The following GLI2 variants were observed in gnomAD, a reference collection of about 807,000 sequenced individuals.
The protein encoded by GLI2 is GLI family zinc finger 2.
In GLI2, 22 loss-of-function variants were observed where a neutral mutation model predicts 78.9. That is an observed-to-expected ratio of 0.28 (90% CI 0.20 to 0.40). The LOEUF is 0.40. GLI2 is among the 10% of genes least tolerant of loss of function. The pLI is 1.00. For missense variants in GLI2, 2,097 were observed against 2,213.2 expected (o/e 0.95, Z 1.05); for synonymous variants, 974 against 963.7 (o/e 1.01, Z -0.20).
chr2:120,947,067 TG>T (rs1680744147), intron 3 of GLI2, among the ~76,000 whole-genome samples: 1 of 151,966 alleles, frequency 6.6e-6, no homozygotes, highest in African/African-American at 2.4e-5. Context: ...CTGGTAGGGG[TG>T]GGGTGGGGAC....
chr2:120,796,841 G>A (rs1164220056), intron 1 of GLI2, among the ~76,000 whole-genome samples: 1 of 152,244 alleles, frequency 6.6e-6, no homozygotes, highest in Non-Finnish European at 1.5e-5. Flanking sequence ...GAAGGAGTGA[G>A]CGAACATGCA....
At chr2:120,776,347 A>C (rs1683676969) in intron 1 of GLI2, among the ~76,000 whole-genome samples, 1 of 152,134 alleles carries the variant, frequency 6.6e-6, no homozygotes, top group Admixed American at 6.5e-5. Flanking sequence ...TCAGCTTCCA[A>C]AGGGAGGCCC....
chr2:120,857,156 G>A (rs1687682822), intron 2 of GLI2, among the ~76,000 whole-genome samples: 1 of 152,116 alleles, frequency 6.6e-6, no homozygotes. Flanking sequence ...CCACTCTGTG[G>A]GCAGCTGCAC....
At chr2:120,801,091 G>T (rs1684688870) in intron 2 of GLI2, among the ~76,000 whole-genome samples, 1 of 152,130 alleles carries the variant, frequency 6.6e-6, no homozygotes, top group Non-Finnish European at 1.5e-5. Context: ...GGCTTGAGTT[G>T]GTTGAAACAG....
At chr2:120,825,798 C>A (rs1686027806) in intron 2 of GLI2, among the ~76,000 whole-genome samples, 1 of 152,208 alleles carries the variant, frequency 6.6e-6, no homozygotes, top group South Asian at 2.1e-4. Flanking sequence ...TGTCTTCTGA[C>A]AAGTCTTACC....
intron 2 of GLI2, among the ~76,000 whole-genome samples, chr2:120,894,615 G>T (rs529681262): frequency 5.8e-4 from 88 of 152,144 alleles, no homozygotes; most frequent in Admixed American, 2.0e-3. Context: ...CCCTTGGGGG[G>T]GGGTACCAGT....
intron 2 of GLI2, among the ~76,000 whole-genome samples, chr2:120,878,662 C>T (rs988169576): frequency 4.6e-5 from 7 of 152,174 alleles, no homozygotes; most frequent in African/African-American, 7.2e-5. Flanking sequence ...CGGCCAGGCA[C>T]GGTGGCTCAC....
intron 8 of GLI2, among the ~76,000 whole-genome samples, chr2:120,972,885 C>T (rs532686821): frequency 5.3e-5 from 8 of 152,232 alleles, no homozygotes; most frequent in African/African-American, 1.4e-4. Context: ...AGACAGCATG[C>T]GGGCAGCCCC....
chr2:120,752,635 G>C (rs942760555), intron 1 of GLI2, among the ~76,000 whole-genome samples: 2 of 152,104 alleles, frequency 1.3e-5, no homozygotes, highest in Non-Finnish European at 2.9e-5. Flanking sequence ...AATAGGTTCA[G>C]AAAGCATGAA....
At chr2:120,983,743 A>G (rs1014289895) in intron 11 of GLI2, among the ~76,000 whole-genome samples, 2 of 152,178 alleles carry the variant, frequency 1.3e-5, no homozygotes, top group Non-Finnish European at 2.9e-5. Flanking sequence ...TTACTCGGAA[A>G]TGTATGTTTT....
intron 3 of GLI2, 70 bp downstream of exon 3, chr2:120,927,536 C>T (rs1206364743): frequency 1.0e-6 from 1 of 969,752 alleles, no homozygotes; most frequent in African/African-American, 1.6e-5. Flanking sequence ...GGCCGGCAGC[C>T]TCAGCCACAT....
At chr2:120,910,684 G>A (rs909698301) in intron 2 of GLI2, among the ~76,000 whole-genome samples, 3 of 152,180 alleles carry the variant, frequency 2.0e-5, no homozygotes, top group African/African-American at 4.8e-5. Context: ...CATTTTTAAC[G>A]CCAGTCAGAA....
intron 2 of GLI2, among the ~76,000 whole-genome samples, chr2:120,806,366 G>A (rs1352821814): frequency 6.6e-6 from 1 of 152,190 alleles, no homozygotes; most frequent in Admixed American, 6.5e-5. Flanking sequence ...TGACAGGGAC[G>A]TTGCCTCTGC....
chr2:120,879,527 G>A (rs1349399199), intron 2 of GLI2, among the ~76,000 whole-genome samples: 1 of 152,202 alleles, frequency 6.6e-6, no homozygotes, highest in African/African-American at 2.4e-5. Context: ...GAGGCAGCAT[G>A]AGCAGTTAGG....
At chr2:120,947,693 A>T (rs1680780342) in intron 3 of GLI2, among the ~76,000 whole-genome samples, 1 of 152,144 alleles carries the variant, frequency 6.6e-6, no homozygotes, top group Non-Finnish European at 1.5e-5. Context: ...TGGTCATTTC[A>T]CACCACCCTG....
At chr2:120,965,152 C>T (rs988071803) in intron 5 of GLI2, among the ~76,000 whole-genome samples, 22 of 152,278 alleles carry the variant, frequency 1.4e-4, no homozygotes, top group Middle Eastern at 3.4e-3. Context: ...GATGCTGCAG[C>T]AGAGGGGCAC....
intron 5 of GLI2, among the ~76,000 whole-genome samples, chr2:120,956,195 C>G (rs1681253222): frequency 6.6e-6 from 1 of 152,058 alleles, no homozygotes; most frequent in Admixed American, 6.6e-5. Flanking sequence ...AAGGTAGAAC[C>G]ACAGGATGTG....
intron 3 of GLI2, among the ~76,000 whole-genome samples, chr2:120,929,298 A>G (rs1046858156): frequency 6.6e-6 from 1 of 152,212 alleles, no homozygotes; most frequent in Non-Finnish European, 1.5e-5. Context: ...TCTCCGCTTT[A>G]AAGTTGTCCC....
At chr2:120,916,794 G>A (rs1421581683) in intron 2 of GLI2, among the ~76,000 whole-genome samples, 1 of 152,240 alleles carries the variant, frequency 6.6e-6, no homozygotes, top group Non-Finnish European at 1.5e-5. Flanking sequence ...GACAGCTGTG[G>A]AGCCAGGCTT....
Sources: allele counts gnomAD v4.1 joint callset (sites outside exome capture counted in the v4.1 genomes callset), GRCh38; gene constraint gnomAD v4.1.1; transcripts MANE v1.5; gene names NCBI Gene and HGNC (gene_info 2026-07-23, HGNC 2026-07-21).